The following JMY variants were observed in gnomAD, a reference collection of about 807,000 sequenced individuals.
JMY encodes junction mediating and regulatory protein, p53 cofactor, also known as junction-mediating and -regulatory protein.
A neutral mutation model predicts 103.3 loss-of-function variants in JMY; 46 were observed. The ratio of observed to expected loss-of-function variants is 0.45; its 90% CI spans 0.35 to 0.57. The LOEUF is 0.57. Ranked by LOEUF, JMY falls within the 20% of genes least tolerant of loss-of-function variation. The pLI, the probability that JMY is intolerant of heterozygous loss-of-function variation, is 0.00. For missense variants in JMY, 1,238 were observed against 1,255.2 expected (o/e 0.99, Z 0.21); for synonymous variants, 526 against 489.3 (o/e 1.07, Z -0.99).
intron 1 of JMY, among the ~76,000 whole-genome samples, chr5:79,261,445 T>C (rs959296264): frequency 2.0e-5 from 3 of 152,096 alleles, no homozygotes; most frequent in Non-Finnish European, 4.4e-5. Flanking sequence ...TAGTCCCAGC[T>C]ACTCAGGAGG....
chr5:79,305,431 C>A (rs1002505969), intron 6 of JMY, among the ~76,000 whole-genome samples: 1 of 151,430 alleles, frequency 6.6e-6, no homozygotes. Context: ...CCAGCCTGGG[C>A]AACAGTGAGA....
At chr5:79,308,591 T>C (rs1746956552) in intron 7 of JMY, among the ~76,000 whole-genome samples, 1 of 152,200 alleles carries the variant, frequency 6.6e-6, no homozygotes, top group East Asian at 1.9e-4. Flanking sequence ...CATATAAGCT[T>C]TAGAATCAGC....
At chr5:79,318,969 A>C (rs777045583) in intron 10 of JMY, among the ~76,000 whole-genome samples, 1 of 151,960 alleles carries the variant, frequency 6.6e-6, no homozygotes, top group Non-Finnish European at 1.5e-5. Flanking sequence ...TGTGCCTAAA[A>C]CTACCATCTT....
chr5:79,245,629 T>A (rs1486439394), intron 1 of JMY, among the ~76,000 whole-genome samples: 1 of 151,998 alleles, frequency 6.6e-6, no homozygotes, highest in African/African-American at 2.4e-5. Flanking sequence ...AGCAACTTGG[T>A]TTTTTTCTTT....
At chr5:79,289,821 TAGA>T (rs1365170153) in intron 2 of JMY, among the ~76,000 whole-genome samples, 2 of 152,132 alleles carry the variant, frequency 1.3e-5, no homozygotes, top group Non-Finnish European at 2.9e-5. Flanking sequence ...TATTTTATCA[TAGA>T]GGAGGAAATA....
At chr5:79,259,801 TC>T (rs1745363196) in intron 1 of JMY, among the ~76,000 whole-genome samples, 1 of 152,188 alleles carries the variant, frequency 6.6e-6, no homozygotes, top group African/African-American at 2.4e-5. Context: ...AGCAGACACC[TC>T]CGAGCCTGCA....
At chr5:79,300,603 G>A in intron 5 of JMY, 73 bp from the exon 6 acceptor site, 1 of 1,236,006 alleles carries the variant, frequency 8.1e-7, no homozygotes, top group Non-Finnish European at 1.1e-6. Context: ...CCAGTAATGA[G>A]ATTAGAACCT....
Position 79,300,689 on chromosome 5 carries a change from A to T in JMY, c.1707A>T (p.Glu569Asp), listed in dbSNP as rs377043963. 10 of 1,592,546 alleles carry T rather than the reference A, an allele frequency of 6.3e-6. No individual in the cohort carries two copies. The highest frequency in any genetic ancestry group is 7.7e-6 in the Non-Finnish European group (9 of 1,174,408). ...IKRLISEKRD[E>D]VVYYDTYESM... is the part of the protein sequence containing the mutation. ...GTTCTGTAACAGAAAAAAGAGATGA[A>T]GTGGTATACTATGACACTTACGAAA... The change falls in exon 6 of 11, where the codon GAA (glutamate) becomes GAT (aspartate). Residue 569 changes from glutamate (E) to aspartate (D), a missense_variant. Coordinates refer to ENST00000396137, the MANE Select transcript of JMY (RefSeq NM_152405.5).
chr5:79,249,026 G>A (rs537546741), intron 1 of JMY, among the ~76,000 whole-genome samples: 26 of 152,290 alleles, frequency 1.7e-4, no homozygotes, highest in African/African-American at 6.0e-4. Flanking sequence ...CCCTCCCAAA[G>A]TTCTGAGACT....
chr5:79,237,535 C>A lies in JMY; in HGVS notation c.885C>A (p.His295Gln). The A allele has an allele frequency of 6.2e-7, 1 of 1,613,742 alleles. No homozygotes were observed. Among genetic ancestry groups the A allele is most frequent in the South Asian group, 1.1e-5 (1 of 91,056 alleles). The change falls in exon 1 of 11, where the codon CAC becomes CAA. Residue 295 changes from histidine to glutamine, a missense_variant. By Grantham distance (24) the His-to-Gln change is conservative. Coordinates refer to ENST00000396137, the MANE Select transcript of JMY (RefSeq NM_152405.5). The part of the protein sequence containing the change: ...LCYQLQVYLG[H>Q]GLDTCGWKIL... The stretch of plus-strand genomic sequence containing the variant: ...ACCAGCTCCAGGTCTACCTGGGCCA[C>A]GGCCTGGACACCTGCGGCTGGAAGA...
intron 2 of JMY, chr5:79,284,531 T>A (rs1746212423): frequency 1.3e-6 from 2 of 1,578,096 alleles, no homozygotes; most frequent in Non-Finnish European, 1.7e-6. Flanking sequence ...CAAGTAACCA[T>A]CAATAGTCCT....
At chr5:79,253,348 A>C (rs1745145101) in intron 1 of JMY, among the ~76,000 whole-genome samples, 1 of 151,636 alleles carries the variant, frequency 6.6e-6, no homozygotes, top group African/African-American at 2.4e-5. Flanking sequence ...GCTGGAGTGC[A>C]GTGGCGCAAT....
chr5:79,248,914 A>G (rs1404272110), intron 1 of JMY, among the ~76,000 whole-genome samples: 2 of 152,180 alleles, frequency 1.3e-5, no homozygotes, highest in East Asian at 1.9e-4. Context: ...GTGTACCACC[A>G]CGTCTGGCTG....
At position 79,237,294 on chromosome 5, in the gene JMY, C is replaced by T. The variant is rs1167129852; in HGVS notation, c.644C>T (p.Pro215Leu). 2 of 1,557,502 alleles carry T rather than the reference C, an allele frequency of 1.3e-6. No individual in the cohort carries two copies. The highest frequency in any genetic ancestry group is 2.3e-5 in the South Asian group (2 of 85,418). Residue 215 changes from proline to leucine, a missense_variant, in exon 1 of 11, where the codon CCG (proline) becomes CTG (leucine). Physicochemically the swap from Pro to Leu is moderately conservative, Grantham distance 98 (BLOSUM62 -3). Coordinates refer to ENST00000396137, the MANE Select transcript of JMY (RefSeq NM_152405.5). ...PLALSDAEQP[P>L]PATELESPAE... ...GCGCTCTCGGACGCGGAGCAGCCGC[C>T]GCCCGCCACCGAGCTGGAGTCTCCG...
At chr5:79,251,941 AT>A (rs1300123619) in intron 1 of JMY, among the ~76,000 whole-genome samples, 1 of 151,600 alleles carries the variant, frequency 6.6e-6, no homozygotes, top group Non-Finnish European at 1.5e-5. Context: ...CGCCCGGCTA[AT>A]TTTTTGTATT....
intron 7 of JMY, among the ~76,000 whole-genome samples, chr5:79,310,995 G>A (rs1175015721): frequency 1.3e-5 from 2 of 152,074 alleles, no homozygotes; most frequent in African/African-American, 2.4e-5. Flanking sequence ...GCATGGTGGC[G>A]TATGCTTGTC....
At chr5:79,313,290 A>G (rs1373585156) in intron 8 of JMY, among the ~76,000 whole-genome samples, 5 of 152,120 alleles carry the variant, frequency 3.3e-5, no homozygotes, top group Admixed American at 6.5e-5. Context: ...ATGGTGGAAC[A>G]TGCCTGTGGT....
At chr5:79,274,030 C>G (rs1305705318) in intron 1 of JMY, among the ~76,000 whole-genome samples, 1 of 152,006 alleles carries the variant, frequency 6.6e-6, no homozygotes, top group Non-Finnish European at 1.5e-5. Context: ...GGGGTTTCAC[C>G]ATGTTAACCA....
chr5:79,306,248 C>A, intron 6 of JMY, 127 bp from the exon 7 acceptor site: 1 of 640,782 alleles, frequency 1.6e-6, no homozygotes, highest in Non-Finnish European at 2.8e-6. Flanking sequence ...AAATAAGAAA[C>A]AAGAGGTGGT....
Sources: allele counts gnomAD v4.1 joint callset (sites outside exome capture counted in the v4.1 genomes callset), GRCh38; gene constraint gnomAD v4.1.1; transcripts MANE v1.5; gene names NCBI Gene and HGNC (gene_info 2026-07-23, HGNC 2026-07-21).